Variants in EXO1 observed in about 807,000 individuals in gnomAD.
EXO1 encodes exonuclease 1.
A neutral mutation model predicts 84.5 loss-of-function variants in EXO1; 69 were observed. The ratio of observed to expected loss-of-function variants is 0.82; its 90% CI spans 0.67 to 1.00. The LOEUF (loss-of-function observed/expected upper bound fraction) is 1.00, where lower values mean the gene tolerates loss of function less well. Ranked by LOEUF, EXO1 falls within the 50% of genes least tolerant of loss-of-function variation. The pLI is 0.00. For synonymous variants in EXO1, 373 were observed against 366.1 expected, an observed-to-expected ratio of 1.02 and a Z score of -0.21; for missense variants, 1,045 against 1,000.7, an observed-to-expected ratio of 1.04 and a Z score of -0.60.
intron 10 of EXO1, 23 bp downstream of exon 10, chr1:241,861,525 A>G (rs776585717): frequency 1.1e-5 from 14 of 1,223,560 alleles, no homozygotes; most frequent in East Asian, 7.0e-5. Context: ...TGACCACCCT[A>G]TGAAAACACG....
intron 5 of EXO1, 143 bp downstream of exon 5, chr1:241,852,554 A>G (rs1205277664): frequency 1.1e-5 from 8 of 743,646 alleles, no homozygotes; most frequent in Non-Finnish European, 1.9e-5. Context: ...TTGAGGCAAG[A>G]GGATCACTTG....
In EXO1 at chr1:241,858,558, G is replaced by A. The variant is rs756528232; in HGVS notation, c.596G>A (p.Arg199Gln). 9.9e-6 allele frequency: 16 copies of A among 1,614,064 alleles called. No homozygotes were observed. Among genetic ancestry groups the A allele is most frequent in the East Asian group, 6.7e-5 (3 of 44,862 alleles). ...AATGGACTTGAAATTGATCAAGCTC[G>A]GCTAGGAATGTGCAGACAGCTTGGG... ...FGNGLEIDQA[R>Q]LGMCRQLGDV... The change falls in exon 8 of 16, where the codon CGG becomes CAG. Residue 199 changes from arginine (R) to glutamine (Q), a missense_variant. Coordinates refer to ENST00000366548, the MANE Select transcript of EXO1 (RefSeq NM_130398.4).
At chr1:241,867,739 T>A (rs1047586187) in intron 11 of EXO1, among the ~76,000 whole-genome samples, 1 of 152,148 alleles carries the variant, frequency 6.6e-6, no homozygotes, top group African/African-American at 2.4e-5. Context: ...CACATATATG[T>A]GGATCTTTTT....
intron 15 of EXO1, among the ~76,000 whole-genome samples, chr1:241,888,792 A>AGGCCAGGC (rs1292821632): frequency 1.3e-5 from 2 of 152,108 alleles, no homozygotes; most frequent in Non-Finnish European, 2.9e-5. Context: ...GACAGGGCTT[A>AGGCCAGGC]GGCCAGGCAC....
At position 241,860,540 on chromosome 1, in the gene EXO1, T is replaced by C; in HGVS notation, c.780T>C (p.Tyr260=). 6.2e-7 allele frequency: 1 copy of C among 1,613,892 alleles called. No individual in the cohort carries two copies. Among genetic ancestry groups the C allele is most frequent in the Non-Finnish European group, 8.5e-7 (1 of 1,179,780 alleles). ...AGGTTATCAAGAAAATTGGACATTA[T>C]CTCAAGATGAATATCACGGTACCAG... ...IVKVIKKIGH[Y]LKMNITVPED... is the part of the protein sequence containing the mutation. Residue 260 remains tyrosine (Y), a synonymous_variant, in exon 9 of 16, where the codon TAT becomes TAC. Transcript: ENST00000366548.
At chr1:241,888,690 T>G (rs1663198455) in intron 15 of EXO1, among the ~76,000 whole-genome samples, 1 of 152,204 alleles carries the variant, frequency 6.6e-6, no homozygotes, top group Admixed American at 6.6e-5. Flanking sequence ...GGAGATAGAA[T>G]TACCTGTAAT....
At chr1:241,879,388 A>G (rs1418760) in intron 13 of EXO1, 45 bp downstream of exon 13, 909,812 of 1,162,696 alleles carry the variant, frequency 0.78, 357,791 homozygotes, top group Admixed American at 0.83. Flanking sequence ...TATATGTAAG[A>G]AAAAATAGAT....
rs1479693841 is a variant in EXO1, at chr1:241,879,223, G to A, written c.1989G>A (p.Glu663=). 4 of 1,601,444 alleles carry A rather than the reference G, an allele frequency of 2.5e-6. No homozygotes were observed. In the Admixed American group the frequency reaches 6.8e-5, roughly 27 times the overall value. Residue 663 remains glutamate, a synonymous_variant, in exon 13 of 16, where the codon GAG becomes GAA. Transcript: ENST00000366548. ...QLKSEESSDD[E]SHPLREEACS... ...AGAGCGAGGAGTCCAGTGACGATGA[G>A]TCTCATCCCTTACGAGAAGAGGCAT... is the stretch of plus-strand genomic sequence containing the variant.
chr1:241,867,121 C>T (rs779073807), intron 11 of EXO1, 66 bp downstream of exon 11: 37 of 1,171,880 alleles, frequency 3.2e-5, no homozygotes, highest in Non-Finnish European at 2.3e-5. Flanking sequence ...CATTGCCCAA[C>T]GCAAAGTCGC....
chr1:241,854,934 G>A (rs1310280919), intron 6 of EXO1, among the ~76,000 whole-genome samples: 5 of 151,910 alleles, frequency 3.3e-5, no homozygotes, highest in African/African-American at 1.2e-4. Context: ...AGCTCTTAAG[G>A]CAGCGCGTCT....
At chr1:241,868,537 G>T (rs1776174) in intron 11 of EXO1, among the ~76,000 whole-genome samples, 77,992 of 151,950 alleles carry the variant, frequency 0.51, 20,337 homozygotes, top group East Asian at 0.71. Flanking sequence ...ATGTGGTGAC[G>T]TGTGTCTGTA....
intron 6 of EXO1, among the ~76,000 whole-genome samples, chr1:241,855,246 A>G (rs944340811): frequency 2.6e-5 from 4 of 151,818 alleles, no homozygotes; most frequent in African/African-American, 4.8e-5. Flanking sequence ...TGCGTTTACA[A>G]TCCCTGAGCT....
intron 8 of EXO1, among the ~76,000 whole-genome samples, chr1:241,859,590 C>T (rs1008308487): frequency 1.3e-5 from 2 of 152,138 alleles, no homozygotes; most frequent in African/African-American, 4.8e-5. Context: ...TGGGCCCCAT[C>T]CCTAAGTTAT....
chr1:241,866,705 T>C (rs1661755340), intron 10 of EXO1, 125 bp from the exon 11 acceptor site: 1 of 754,546 alleles, frequency 1.3e-6, no homozygotes, highest in Non-Finnish European at 2.3e-6. Context: ...AGGACAGCTG[T>C]TTCATCAACA....
chr1:241,861,314 T>C, intron 9 of EXO1, 92 bp from the exon 10 acceptor site: 1 of 742,898 alleles, frequency 1.3e-6, no homozygotes, highest in Non-Finnish European at 2.4e-6. Context: ...CCTATGGATT[T>C]TCGTGACAAT....
At chr1:241,860,238 T>C (rs1458559929) in intron 8 of EXO1, among the ~76,000 whole-genome samples, 1 of 152,352 alleles carries the variant, frequency 6.6e-6, no homozygotes, top group African/African-American at 2.4e-5. Context: ...ATGGATAATG[T>C]ATCTCAAAGT....
intron 8 of EXO1, among the ~76,000 whole-genome samples, chr1:241,860,126 T>C (rs1347451584): frequency 6.6e-6 from 1 of 152,224 alleles, no homozygotes; most frequent in Non-Finnish European, 1.5e-5. Context: ...GAATGTCAAC[T>C]TGGTTTAAAA....
At chr1:241,850,281 A>G in intron 3 of EXO1, 128 bp from the exon 4 acceptor site, 1 of 570,458 alleles carries the variant, frequency 1.8e-6, no homozygotes, top group Non-Finnish European at 2.9e-6. Flanking sequence ...CTCCGTCTCA[A>G]AAAAAAAAAA....
chr1:241,850,559 A>G lies in EXO1; in HGVS notation c.134A>G (p.Lys45Arg). Reference sequence around the variant, plus strand: ...AAAGGAGCTATTGCTTGTGCTGAAAAACTAGCCAAAGGTGAACCTACTGAT... The same window carrying G: ...AAAGGAGCTATTGCTTGTGCTGAAAGACTAGCCAAAGGTGAACCTACTGAT... ...LHKGAIACAE[K>R]LAKGEPTDRY... The change falls in exon 4 of 16, where the codon AAA (lysine) becomes AGA (arginine). Residue 45 changes from lysine to arginine, a missense_variant. Transcript: ENST00000366548. 6.2e-7 allele frequency: 1 copy of G among 1,613,954 alleles called. No individual in the cohort carries two copies. Among genetic ancestry groups the G allele is most frequent in the Admixed American group, 1.7e-5 (1 of 60,016 alleles).
Sources: gnomAD v4.1 joint callset for allele counts (sites outside exome capture counted in the v4.1 genomes callset) on GRCh38, gnomAD v4.1.1 for gene constraint, MANE v1.5 for transcripts, NCBI Gene and HGNC (gene_info 2026-07-23, HGNC 2026-07-21) for gene names.